Variants in NALCN observed in about 807,000 individuals in gnomAD.
NALCN encodes sodium leak channel, non-selective.
A neutral mutation model predicts 225.3 loss-of-function variants in NALCN; 111 were observed. The ratio of observed to expected loss-of-function variants is 0.49; its 90% CI spans 0.42 to 0.58. The LOEUF is 0.58. Ranked by LOEUF, NALCN falls within the 20% of genes least tolerant of loss-of-function variation. The probability of loss-of-function intolerance (pLI) is 0.00; values close to 1 mark genes in which losing one functional copy is unlikely to be tolerated. For synonymous variants in NALCN, 764 were observed against 769.0 expected, an observed-to-expected ratio of 0.99 and a Z score of 0.11; for missense variants, 1,378 against 2,202.4, an observed-to-expected ratio of 0.63 and a Z score of 7.49.
intron 15 of NALCN, among the ~76,000 whole-genome samples, chr13:101,172,998 G>T (rs777298619): frequency 6.6e-6 from 1 of 152,204 alleles, no homozygotes; most frequent in Non-Finnish European, 1.5e-5. Flanking sequence ...CTAAAATGCT[G>T]CTATGCTGCA....
intron 30 of NALCN, among the ~76,000 whole-genome samples, chr13:101,086,387 G>A (rs150747912): frequency 0.014 from 2,126 of 151,898 alleles, 52 homozygotes; most frequent in African/African-American, 0.049. Flanking sequence ...GCTATAAAAT[G>A]TTTTGTCTGT....
intron 6 of NALCN, among the ~76,000 whole-genome samples, chr13:101,355,725 C>T (rs2046037553): frequency 6.6e-6 from 1 of 152,158 alleles, no homozygotes; most frequent in Non-Finnish European, 1.5e-5. Flanking sequence ...GAACTCTCAA[C>T]CCCAAATCAA....
chr13:101,291,507 G>C (rs942769943), intron 9 of NALCN, among the ~76,000 whole-genome samples: 1 of 152,062 alleles, frequency 6.6e-6, no homozygotes, highest in East Asian at 1.9e-4. Context: ...GCTCTGATTT[G>C]ATTGTTCTGT....
chr13:101,073,579 T>C lies in NALCN; in HGVS notation c.4197+5A>G. ...TAAGCCTTGTTCATGATGAGAGATA[T>C]TTACCATACAGTCATGCATAATCTT... On this transcript the variant is annotated splice_donor_5th_base_variant and intron_variant, in intron 37 of 43. Transcript: ENST00000251127. The C allele has an allele frequency of 6.2e-7, 1 of 1,608,518 alleles. No individual in the cohort carries two copies. Among genetic ancestry groups the C allele is most frequent in the Non-Finnish European group, 8.5e-7 (1 of 1,175,936 alleles).
At chr13:101,152,202 T>C (rs2037685161) in intron 15 of NALCN, among the ~76,000 whole-genome samples, 1 of 152,226 alleles carries the variant, frequency 6.6e-6, no homozygotes, top group African/African-American at 2.4e-5. Flanking sequence ...CATTTTTATG[T>C]GATAGCTGAC....
chr13:101,199,772 A>G (rs995071871), intron 13 of NALCN, among the ~76,000 whole-genome samples: 2 of 152,118 alleles, frequency 1.3e-5, no homozygotes, highest in African/African-American at 4.8e-5. Context: ...CGTTGTGCAC[A>G]TGTACCCTAG....
At chr13:101,164,848 T>C (rs2038363760) in intron 15 of NALCN, among the ~76,000 whole-genome samples, 1 of 152,172 alleles carries the variant, frequency 6.6e-6, no homozygotes, top group African/African-American at 2.4e-5. Context: ...TCTTTTGAGA[T>C]TTACATCATG....
At chr13:101,332,589 G>T (rs576351809) in intron 7 of NALCN, among the ~76,000 whole-genome samples, 2 of 152,166 alleles carry the variant, frequency 1.3e-5, no homozygotes, top group South Asian at 4.1e-4. Flanking sequence ...TTTCAGAAAA[G>T]TACACAGGAA....
chr13:101,273,467 A>C (rs934980603), intron 10 of NALCN, among the ~76,000 whole-genome samples: 1 of 152,230 alleles, frequency 6.6e-6, no homozygotes, highest in African/African-American at 2.4e-5. Flanking sequence ...CACATAAAAG[A>C]ATTGCCTTAT....
upstream of NALCN, among the ~76,000 whole-genome samples, chr13:101,417,052 C>T (rs757557146): frequency 1.3e-5 from 2 of 152,140 alleles, no homozygotes; most frequent in Admixed American, 1.3e-4. Context: ...AATATGTTGT[C>T]GTGTGGATGA....
At chr13:101,257,924 G>A (rs544637468) in intron 11 of NALCN, among the ~76,000 whole-genome samples, 3 of 152,252 alleles carry the variant, frequency 2.0e-5, no homozygotes, top group Non-Finnish European at 4.4e-5. Flanking sequence ...GATATGTAGA[G>A]TGCTAGGGAG....
intron 12 of NALCN, among the ~76,000 whole-genome samples, chr13:101,230,213 T>G (rs9518345): frequency 6.6e-6 from 1 of 152,002 alleles, no homozygotes; most frequent in Non-Finnish European, 1.5e-5. Flanking sequence ...GCCAAAACAC[T>G]TCTGTTCCCA....
chr13:101,178,391 T>C (rs1329095113), intron 14 of NALCN, among the ~76,000 whole-genome samples: 1 of 152,238 alleles, frequency 6.6e-6, no homozygotes, highest in Non-Finnish European at 1.5e-5. Flanking sequence ...TTCGCCTCCC[T>C]TTTCTTAGAG....
Position 101,151,234 on chromosome 13 carries a change from C to T in NALCN, c.1840-6338G>A, listed in dbSNP as rs767947634. Among the ~76,000 whole-genome samples the T allele has an allele frequency of 1.2e-4, 18 of 152,320 alleles. 1 individual carries two copies. The highest frequency in any genetic ancestry group is 4.1e-4 in the African/African-American group (17 of 41,580). On this transcript the variant is annotated intron_variant, in intron 15 of 43. Coordinates refer to ENST00000251127, the MANE Select transcript of NALCN (RefSeq NM_052867.4). ...AGACTTCGGGTGTAATTGCTCTGCACGACACATACTGTGTTCTGCCTCATC... is the reference window on the plus strand; with the variant it reads ...AGACTTCGGGTGTAATTGCTCTGCATGACACATACTGTGTTCTGCCTCATC...
chr13:101,390,586 C>T (rs2047116492), intron 3 of NALCN, among the ~76,000 whole-genome samples: 1 of 152,020 alleles, frequency 6.6e-6, no homozygotes, highest in Non-Finnish European at 1.5e-5. Flanking sequence ...AGATAACATA[C>T]ATTCTCATAG....
chr13:101,400,180 T>C (rs561711796), intron 1 of NALCN, among the ~76,000 whole-genome samples: 1 of 152,282 alleles, frequency 6.6e-6, no homozygotes, highest in African/African-American at 2.4e-5. Context: ...AAACTCATCT[T>C]CTTACACATG....
chr13:101,159,456 C>T (rs944813876), intron 15 of NALCN, among the ~76,000 whole-genome samples: 7 of 152,192 alleles, frequency 4.6e-5, no homozygotes, highest in Admixed American at 3.9e-4. Flanking sequence ...CTGGGGATTG[C>T]GGTTTGTGTA....
At chr13:101,360,133 T>TTTCC (rs2046195944) in intron 6 of NALCN, among the ~76,000 whole-genome samples, 1 of 145,196 alleles carries the variant, frequency 6.9e-6, no homozygotes, top group African/African-American at 2.8e-5. Flanking sequence ...TTCTTTTTTC[T>TTTCC]TTCTTTCTCT....
At chr13:101,289,651 C>T (rs1273628140) in intron 9 of NALCN, among the ~76,000 whole-genome samples, 1 of 151,710 alleles carries the variant, frequency 6.6e-6, no homozygotes, top group Non-Finnish European at 1.5e-5. Flanking sequence ...ATGAGAATAG[C>T]CTATATTTAA....
Sources: allele counts gnomAD v4.1 joint callset (sites outside exome capture counted in the v4.1 genomes callset), GRCh38; gene constraint gnomAD v4.1.1; transcripts MANE v1.5; gene names NCBI Gene and HGNC (gene_info 2026-07-23, HGNC 2026-07-21).